Variants in CDH18 observed in about 807,000 individuals in gnomAD.
CDH18 encodes cadherin 18.
In CDH18, 31 loss-of-function variants were observed where a neutral mutation model predicts 67.9. The ratio of observed to expected loss-of-function variants is 0.46; its 90% CI spans 0.34 to 0.62. The LOEUF is 0.62. CDH18 is among the 20% of genes least tolerant of loss of function. The pLI is 0.01. For synonymous variants in CDH18, 362 were observed against 347.2 expected (o/e 1.04, Z -0.48); for missense variants, 890 against 975.5 (o/e 0.91, Z 1.17).
intron 5 of CDH18, among the ~76,000 whole-genome samples, chr5:19,708,218 C>A (rs942668538): frequency 6.6e-6 from 1 of 152,174 alleles, no homozygotes; most frequent in African/African-American, 2.4e-5. Context: ...GCATCCCAGG[C>A]ACACCTGATC....
chr5:20,192,646 A>G (rs932549209), intron 2 of CDH18, among the ~76,000 whole-genome samples: 1 of 152,026 alleles, frequency 6.6e-6, no homozygotes, highest in Non-Finnish European at 1.5e-5. Context: ...GGTTTGTCAA[A>G]TATTAGATGG....
chr5:19,988,001 G>A (rs1799738580), intron 1 of CDH18, 85 bp downstream of exon 1: 2 of 152,262 alleles, frequency 1.3e-5, no homozygotes, highest in Middle Eastern at 3.4e-3. Flanking sequence ...ATATTGCTTT[G>A]ACTCAGAACT....
At chr5:19,512,765 G>A (rs371304776) in intron 10 of CDH18, among the ~76,000 whole-genome samples, 39 of 151,944 alleles carry the variant, frequency 2.6e-4, no homozygotes, top group Admixed American at 7.9e-4. Flanking sequence ...ATTTTTCATC[G>A]TCTCTTTTTA....
chr5:20,484,388 A>C (rs1287486155), intron 1 of CDH18, among the ~76,000 whole-genome samples: 1 of 152,078 alleles, frequency 6.6e-6, no homozygotes, highest in Non-Finnish European at 1.5e-5. Flanking sequence ...AAAGAATCTA[A>C]AAATAGAGCT....
At chr5:20,076,718 GT>G (rs1160979697) in intron 2 of CDH18, among the ~76,000 whole-genome samples, 1 of 152,034 alleles carries the variant, frequency 6.6e-6, no homozygotes, top group African/African-American at 2.4e-5. Context: ...TCGCATTTCT[GT>G]CTTTGTTCTA....
intron 2 of CDH18, among the ~76,000 whole-genome samples, chr5:20,078,218 T>C (rs1384579231): frequency 6.6e-6 from 1 of 152,148 alleles, no homozygotes; most frequent in African/African-American, 2.4e-5. Flanking sequence ...TCCCAGCACT[T>C]TGGGAGGCCG....
chr5:20,269,002 T>C (rs896196773), intron 1 of CDH18, among the ~76,000 whole-genome samples: 1 of 152,024 alleles, frequency 6.6e-6, no homozygotes, highest in Admixed American at 6.6e-5. Context: ...ATCCACAATA[T>C]AGAAGTAACA....
At chr5:20,269,364 C>A (rs1006037772) in intron 1 of CDH18, among the ~76,000 whole-genome samples, 8 of 151,454 alleles carry the variant, frequency 5.3e-5, no homozygotes, top group African/African-American at 1.9e-4. Context: ...CGATCTAGCA[C>A]TCCCACCACT....
intron 2 of CDH18, among the ~76,000 whole-genome samples, chr5:20,037,042 C>T (rs905710337): frequency 4.6e-5 from 7 of 152,120 alleles, no homozygotes; most frequent in Non-Finnish European, 1.0e-4. Context: ...GAATACAGCA[C>T]ACCGATGGGT....
chr5:19,691,990 C>T (rs1383062903), intron 5 of CDH18, among the ~76,000 whole-genome samples: 1 of 151,868 alleles, frequency 6.6e-6, no homozygotes, highest in Non-Finnish European at 1.5e-5. Flanking sequence ...TATTACAAGG[C>T]TAACAGTAAC....
intron 2 of CDH18, among the ~76,000 whole-genome samples, chr5:20,111,440 A>G (rs371280323): frequency 6.6e-6 from 1 of 151,344 alleles, no homozygotes; most frequent in African/African-American, 2.4e-5. Flanking sequence ...TTGTGCAGTT[A>G]GGGTGGGACC....
chr5:20,295,772 T>A (rs1248263304), intron 1 of CDH18, among the ~76,000 whole-genome samples: 2 of 152,058 alleles, frequency 1.3e-5, no homozygotes, highest in East Asian at 1.9e-4. Context: ...ATTGTATATA[T>A]GTTTATTTTC....
At position 19,473,713 on chromosome 5, in the gene CDH18, A is replaced by G. The variant is rs988712209; in HGVS notation, c.1886T>C (p.Ile629Thr). Residue 629 changes from isoleucine (I) to threonine (T), a missense_variant, in exon 13 of 13, where the codon ATT becomes ACT. Ile to Thr is a moderately conservative substitution (Grantham distance 89, BLOSUM62 -1). Transcript: ENST00000382275. ...ILLCVLILLA[I>T]VVLFITLRRS... ...CCTCAGGGTGATAAAAAGTACCACA[A>G]TTGCTGAGGAAGAATGGAAAAAGGA... 1 of 1,588,392 alleles carries G rather than the reference A, an allele frequency of 6.3e-7. No homozygotes were observed. The highest frequency in any genetic ancestry group is 2.2e-5 in the East Asian group (1 of 44,528).
intron 8 of CDH18, among the ~76,000 whole-genome samples, chr5:19,568,992 C>T (rs1740908522): frequency 1.3e-5 from 2 of 152,272 alleles, no homozygotes; most frequent in Middle Eastern, 3.4e-3. Flanking sequence ...TAGAATAATG[C>T]TAAAACATCT....
At chr5:20,060,526 T>C (rs1742375791) in intron 2 of CDH18, among the ~76,000 whole-genome samples, 1 of 152,136 alleles carries the variant, frequency 6.6e-6, no homozygotes, top group South Asian at 2.1e-4. Flanking sequence ...AATGATTGTT[T>C]AGTTACACAA....
At chr5:19,692,332 T>G (rs2166592) in intron 5 of CDH18, among the ~76,000 whole-genome samples, 1 of 152,112 alleles carries the variant, frequency 6.6e-6, no homozygotes. Flanking sequence ...GCCAAAATTT[T>G]ATGGCTAAGA....
At chr5:19,697,464 T>C (rs1762675237) in intron 5 of CDH18, among the ~76,000 whole-genome samples, 1 of 152,184 alleles carries the variant, frequency 6.6e-6, no homozygotes, top group Non-Finnish European at 1.5e-5. Flanking sequence ...ACGTAATGTA[T>C]GATTTAAAGA....
chr5:20,304,281 T>C, intron 1 of CDH18: 1 of 1,603,160 alleles, frequency 6.2e-7, no homozygotes, highest in Non-Finnish European at 8.5e-7. Flanking sequence ...AAAAGCTGTG[T>C]CTTCTGATTT....
intron 5 of CDH18, among the ~76,000 whole-genome samples, chr5:19,651,353 T>C (rs1184475311): frequency 6.6e-6 from 1 of 152,092 alleles, no homozygotes; most frequent in African/African-American, 2.4e-5. Context: ...TTCAACAGAA[T>C]TGCTTGTCAA....
Sources: allele counts gnomAD v4.1 joint callset (sites outside exome capture counted in the v4.1 genomes callset), GRCh38; gene constraint gnomAD v4.1.1; transcripts MANE v1.5; gene names NCBI Gene and HGNC (gene_info 2026-07-23, HGNC 2026-07-21).